KCNMA1: variants seen among roughly 807,000 people sequenced by gnomAD.
KCNMA1 encodes the protein Calcium-activated potassium channel subunit alpha-1.
Under a neutral mutation model 140.0 loss-of-function variants are expected in KCNMA1, and 29 were observed. The observed-to-expected ratio is 0.21, with a 90% confidence interval of 0.15 to 0.28. The LOEUF (loss-of-function observed/expected upper bound fraction) is 0.28, where lower values mean the gene tolerates loss of function less well. Ranked by LOEUF, KCNMA1 falls within the 10% of genes least tolerant of loss-of-function variation. The probability of loss-of-function intolerance (pLI) is 1.00; values close to 1 mark genes in which losing one functional copy is unlikely to be tolerated. For missense variants in KCNMA1, 880 were observed against 1,602.2 expected (o/e 0.55, Z 7.70); for synonymous variants, 612 against 611.9 (o/e 1.00, Z 0.00).
chr10:77,079,139 G>A (rs1044983667), intron 13 of KCNMA1, among the ~76,000 whole-genome samples: 10 of 152,120 alleles, frequency 6.6e-5, no homozygotes, highest in East Asian at 3.9e-4. Flanking sequence ...GCATGGTGGC[G>A]CATGCCTGTA....
At chr10:77,491,580 C>T (rs1172102489) in intron 1 of KCNMA1, among the ~76,000 whole-genome samples, 1 of 152,130 alleles carries the variant, frequency 6.6e-6, no homozygotes. Flanking sequence ...CTGAGGACTG[C>T]AGGATGAAAG....
chr10:77,109,392 G>A (rs965630432), intron 8 of KCNMA1, among the ~76,000 whole-genome samples: 2 of 97,610 alleles, frequency 2.0e-5, no homozygotes, highest in Admixed American at 2.3e-4. Context: ...TTAATCACTC[G>A]CTTCATAAAT....
intron 19 of KCNMA1, chr10:76,995,269 T>C (rs2083906170): frequency 4.9e-6 from 1 of 202,626 alleles, no homozygotes. Context: ...TGTAGATTCA[T>C]AGGAGGCATT....
intron 1 of KCNMA1, among the ~76,000 whole-genome samples, chr10:77,417,613 GA>G (rs1305114807): frequency 2.2e-4 from 34 of 152,334 alleles, no homozygotes; most frequent in African/African-American, 7.9e-4. Flanking sequence ...TCAGTCAAAA[GA>G]AAGATGAATG....
At chr10:77,057,512 G>C (rs2095583569) in intron 14 of KCNMA1, among the ~76,000 whole-genome samples, 1 of 151,994 alleles carries the variant, frequency 6.6e-6, no homozygotes, top group South Asian at 2.1e-4. Flanking sequence ...TACTTCTCTT[G>C]AATTCTTTAA....
intron 18 of KCNMA1, among the ~76,000 whole-genome samples, chr10:77,005,327 G>A (rs2088092979): frequency 6.6e-6 from 1 of 152,210 alleles, no homozygotes; most frequent in Non-Finnish European, 1.5e-5. Context: ...TAGGAGATGA[G>A]CCTAGGGTCT....
At chr10:77,623,738 T>C (rs1454547753) in intron 1 of KCNMA1, among the ~76,000 whole-genome samples, 1 of 150,668 alleles carries the variant, frequency 6.6e-6, no homozygotes, top group Non-Finnish European at 1.5e-5. Flanking sequence ...ATTTGCAGGA[T>C]GTTTGCACCC....
chr10:77,400,731 C>T (rs1314049699), intron 2 of KCNMA1, among the ~76,000 whole-genome samples: 2 of 152,138 alleles, frequency 1.3e-5, no homozygotes, highest in Non-Finnish European at 1.5e-5. Context: ...TAATGAACCC[C>T]TACAACACAA....
chr10:76,887,304 G>A lies in KCNMA1; in HGVS notation c.3673C>T (p.Arg1225Trp), dbSNP rs148648986. The A allele has an allele frequency of 1.4e-4, 226 of 1,613,932 alleles. No homozygotes were observed. The highest frequency in any genetic ancestry group is 1.8e-4 in the Non-Finnish European group (207 of 1,180,008). Reference sequence around the variant, plus strand: ...TCCTGCACGTACTTCTGTTTGTCCCGGGACTCCCTGGACTTGGGCCGGTTC... The same window carrying A: ...TCCTGCACGTACTTCTGTTTGTCCCAGGACTCCCTGGACTTGGGCCGGTTC... Reference protein sequence around the residue: ...RQNRPKSRESRDKQKYVQEER... With the variant: ...RQNRPKSRESWDKQKYVQEER... The change falls in exon 28 of 28, where the codon CGG becomes TGG. Residue 1225 changes from arginine (R) to tryptophan (W), a missense_variant. By Grantham distance (101) the Arg-to-Trp change is moderately radical. Around this residue, in one of 13 missense-constraint regions of KCNMA1, gnomAD observed 115 missense variants for 139.9 expected, o/e 0.82. Coordinates refer to ENST00000286628, the MANE Select transcript of KCNMA1 (RefSeq NM_001161352.2).
At chr10:77,145,432 A>C (rs370604750) in intron 5 of KCNMA1, among the ~76,000 whole-genome samples, 219 of 152,278 alleles carry the variant, frequency 1.4e-3, no homozygotes, top group African/African-American at 5.0e-3. Context: ...TCCAAAAAAA[A>C]CTGTCATAAA....
intron 29 of KCNMA1, chr10:76,878,029 GAGAC>G: frequency 2.5e-6 from 2 of 812,360 alleles, no homozygotes; most frequent in Non-Finnish European, 4.1e-6. Flanking sequence ...ATTGCTAAGA[GAGAC>G]AGTGCAGTGT....
At chr10:77,267,343 C>T (rs1461581712) in intron 2 of KCNMA1, among the ~76,000 whole-genome samples, 1 of 152,168 alleles carries the variant, frequency 6.6e-6, no homozygotes, top group Non-Finnish European at 1.5e-5. Flanking sequence ...AAAGGTGGAG[C>T]AACTGAGGCC....
intron 1 of KCNMA1, among the ~76,000 whole-genome samples, chr10:77,596,693 T>G (rs2081040731): frequency 6.6e-6 from 1 of 152,218 alleles, no homozygotes; most frequent in East Asian, 1.9e-4. Flanking sequence ...TTCCTTGGTG[T>G]TGTGCTTATT....
At chr10:77,381,229 G>T (rs952527839) in intron 2 of KCNMA1, among the ~76,000 whole-genome samples, 29 of 152,148 alleles carry the variant, frequency 1.9e-4, no homozygotes, top group African/African-American at 6.8e-4. Flanking sequence ...AGTTAGTTTG[G>T]ATTTTAGTGG....
At chr10:77,167,807 C>T (rs994424687) in intron 5 of KCNMA1, among the ~76,000 whole-genome samples, 1 of 151,908 alleles carries the variant, frequency 6.6e-6, no homozygotes, top group Non-Finnish European at 1.5e-5. Context: ...CCTCAGCCCC[C>T]AAATAGCAGG....
intron 3 of KCNMA1, among the ~76,000 whole-genome samples, chr10:77,245,607 A>T (rs117699505): frequency 0.023 from 3,565 of 152,326 alleles, 66 homozygotes; most frequent in Middle Eastern, 0.034. Context: ...CTCTCTGGGC[A>T]TATAAACATT....
intron 2 of KCNMA1, among the ~76,000 whole-genome samples, chr10:77,278,098 G>A (rs2154291939): frequency 6.6e-6 from 1 of 152,236 alleles, no homozygotes; most frequent in South Asian, 2.1e-4. Context: ...GACAATCTGT[G>A]TCACTTAGTA....
intron 20 of KCNMA1, among the ~76,000 whole-genome samples, chr10:76,963,825 G>T (rs980739068): frequency 6.6e-6 from 1 of 152,042 alleles, no homozygotes; most frequent in African/African-American, 2.4e-5. Context: ...TAACAACATG[G>T]TATCTAGTCA....
intron 8 of KCNMA1, among the ~76,000 whole-genome samples, chr10:77,109,842 C>T (rs2097279389): frequency 6.6e-6 from 1 of 152,130 alleles, no homozygotes; most frequent in African/African-American, 2.4e-5. Context: ...AGCCACTGTC[C>T]TTGTAGCATA....
Sources: allele counts gnomAD v4.1 joint callset (sites outside exome capture counted in the v4.1 genomes callset), GRCh38; gene constraint gnomAD v4.1.1; regional missense constraint gnomAD v4.1.1; transcripts MANE v1.5; gene names NCBI Gene and HGNC (gene_info 2026-07-23, HGNC 2026-07-21).